RBFOX1: variants seen among roughly 807,000 people sequenced by gnomAD.
RBFOX1 encodes the protein RNA binding protein fox-1 homolog 1.
RBFOX1 carries 8 observed loss-of-function variants against 57.7 expected under a neutral mutation model. That is an observed-to-expected ratio of 0.14 (90% CI 0.08 to 0.25). The LOEUF is 0.25. RBFOX1 is among the 10% of genes least tolerant of loss of function. The pLI, the probability that RBFOX1 is intolerant of heterozygous loss-of-function variation, is 1.00. For missense variants in RBFOX1, 611 were observed against 548.5 expected, an observed-to-expected ratio of 1.11 and a Z score of -1.14; for synonymous variants, 326 against 222.4, an observed-to-expected ratio of 1.47 and a Z score of -4.15.
At chr16:6,321,025 C>T (rs1247608864) in intron 2 of RBFOX1, among the ~76,000 whole-genome samples, 2 of 152,170 alleles carry the variant, frequency 1.3e-5, no homozygotes, top group Non-Finnish European at 2.9e-5. Flanking sequence ...AACTCCTGAC[C>T]TCAGGTGATC....
chr16:5,503,729 C>T (rs546409905), intron 2 of RBFOX1, among the ~76,000 whole-genome samples: 1 of 152,288 alleles, frequency 6.6e-6, no homozygotes, highest in South Asian at 2.1e-4. Flanking sequence ...CAAGCATGAG[C>T]CACCATACCT....
At chr16:5,933,174 C>G (rs2059101065) in intron 4 of RBFOX1, among the ~76,000 whole-genome samples, 1 of 152,176 alleles carries the variant, frequency 6.6e-6, no homozygotes, top group East Asian at 1.9e-4. Flanking sequence ...ATTTCCTTAG[C>G]ACGTTTGCAT....
At chr16:5,721,540 C>T (rs534558535) in intron 3 of RBFOX1, among the ~76,000 whole-genome samples, 1 of 152,154 alleles carries the variant, frequency 6.6e-6, no homozygotes, top group African/African-American at 2.4e-5. Flanking sequence ...CTTTGTCTTG[C>T]CCCTCATCTT....
chr16:5,888,204 C>A (rs1350769470), intron 4 of RBFOX1, among the ~76,000 whole-genome samples: 7 of 152,150 alleles, frequency 4.6e-5, no homozygotes, highest in Admixed American at 4.6e-4. Context: ...GAGTTTGTTT[C>A]CTCTGCCGGG....
intron 3 of RBFOX1, among the ~76,000 whole-genome samples, chr16:5,755,469 CT>C (rs2151629696): frequency 6.6e-6 from 1 of 152,318 alleles, no homozygotes; most frequent in African/African-American, 2.4e-5. Context: ...TGGCATGTGG[CT>C]GTTGAGTGTT....
intron 3 of RBFOX1, among the ~76,000 whole-genome samples, chr16:6,682,591 T>A (rs1260226133): frequency 1.3e-5 from 2 of 152,070 alleles, no homozygotes; most frequent in Non-Finnish European, 2.9e-5. Context: ...TTGTGGGTGC[T>A]GAGCAGCAGT....
chr16:6,152,186 T>C (rs2096802208), intron 1 of RBFOX1, among the ~76,000 whole-genome samples: 1 of 152,226 alleles, frequency 6.6e-6, no homozygotes, highest in Admixed American at 6.5e-5. Context: ...GCTGGCATAA[T>C]ATTGTCTGAG....
intron 4 of RBFOX1, among the ~76,000 whole-genome samples, chr16:5,941,630 T>C (rs1730939023): frequency 6.6e-6 from 1 of 152,178 alleles, no homozygotes; most frequent in African/African-American, 2.4e-5. Flanking sequence ...TCAATTAAAA[T>C]GTGCCAAATA....
intron 4 of RBFOX1, among the ~76,000 whole-genome samples, chr16:7,216,322 G>C (rs1286264943): frequency 1.5e-5 from 2 of 134,816 alleles, no homozygotes; most frequent in Admixed American, 8.0e-5. Context: ...ACTTGTCTAA[G>C]CCACTGTTTT....
In RBFOX1 at chr16:6,919,397, C is replaced by T. The variant is rs371896251; in HGVS notation, c.-15-132660C>T. ...GCAGTTTAGGTTCTCTTATTAGCTCCATTTTATAGACCAAAAAATAAAATA... is the reference window on the plus strand; with the variant it reads ...GCAGTTTAGGTTCTCTTATTAGCTCTATTTTATAGACCAAAAAATAAAATA... On this transcript the variant is annotated intron_variant, in intron 3 of 15. Transcript: ENST00000550418. 1.7e-4 allele frequency among the ~76,000 whole-genome samples: 26 copies of T among 152,046 alleles called. No homozygotes were observed. The South Asian group carries it at 5.4e-3, about 32-fold the overall frequency.
At chr16:7,017,466 C>T (rs914650065) in intron 3 of RBFOX1, among the ~76,000 whole-genome samples, 3 of 152,182 alleles carry the variant, frequency 2.0e-5, no homozygotes, top group African/African-American at 7.2e-5. Context: ...CACACTGACG[C>T]GCGCACACAT....
intron 1 of RBFOX1, among the ~76,000 whole-genome samples, chr16:5,415,440 T>A (rs932089431): frequency 6.6e-6 from 1 of 152,050 alleles, no homozygotes; most frequent in Non-Finnish European, 1.5e-5. Context: ...GAGATGAGAT[T>A]TGGGTGGAGA....
At chr16:6,784,015 T>C (rs992408286) in intron 3 of RBFOX1, among the ~76,000 whole-genome samples, 7 of 152,284 alleles carry the variant, frequency 4.6e-5, no homozygotes, top group Middle Eastern at 3.4e-3. Flanking sequence ...GACAAACATT[T>C]GGACTTCTTT....
intron 4 of RBFOX1, among the ~76,000 whole-genome samples, chr16:5,868,190 G>A (rs570922711): frequency 2.0e-5 from 3 of 152,204 alleles, no homozygotes; most frequent in Admixed American, 1.3e-4. Context: ...GCACGATAGA[G>A]CCGGTCACTC....
chr16:6,671,117 A>T (rs561252540), intron 3 of RBFOX1, among the ~76,000 whole-genome samples: 1 of 152,242 alleles, frequency 6.6e-6, no homozygotes, highest in Non-Finnish European at 1.5e-5. Flanking sequence ...TTTTGACCCA[A>T]TCTTACTCAT....
chr16:5,662,121 C>A (rs980682691), intron 3 of RBFOX1, among the ~76,000 whole-genome samples: 3 of 152,066 alleles, frequency 2.0e-5, no homozygotes, highest in Non-Finnish European at 4.4e-5. Context: ...AAGTTTGGAC[C>A]CTTTGACAAA....
At chr16:7,484,665 T>C (rs1008607054) in intron 4 of RBFOX1, among the ~76,000 whole-genome samples, 2 of 152,188 alleles carry the variant, frequency 1.3e-5, no homozygotes, top group Admixed American at 1.3e-4. Context: ...GGTTTCACCA[T>C]GTTGGTCAGG....
At chr16:5,704,678 G>A (rs936812017) in intron 3 of RBFOX1, among the ~76,000 whole-genome samples, 1 of 152,154 alleles carries the variant, frequency 6.6e-6, no homozygotes, top group Non-Finnish European at 1.5e-5. Flanking sequence ...TTGACATTCT[G>A]AGGTGGCTAG....
intron 3 of RBFOX1, among the ~76,000 whole-genome samples, chr16:6,936,518 C>G (rs1372107625): frequency 6.6e-6 from 1 of 152,098 alleles, no homozygotes; most frequent in Non-Finnish European, 1.5e-5. Context: ...TATCCAGAAA[C>G]GTAAAATGCT....
Sources: gnomAD v4.1 joint callset for allele counts (sites outside exome capture counted in the v4.1 genomes callset) on GRCh38, gnomAD v4.1.1 for gene constraint, MANE v1.5 for transcripts, NCBI Gene and HGNC (gene_info 2026-07-23, HGNC 2026-07-21) for gene names.